The following BTN3A2 variants were observed in gnomAD, a reference collection of about 807,000 sequenced individuals.
BTN3A2 encodes the protein butyrophilin subfamily 3 member A2, also known as butyrophilin protein.
Under a neutral mutation model 37.6 loss-of-function variants are expected in BTN3A2, and 25 were observed. The ratio of observed to expected loss-of-function variants is 0.66; its 90% CI spans 0.48 to 0.93. The LOEUF (loss-of-function observed/expected upper bound fraction) is 0.93. BTN3A2 is among the 40% of genes least tolerant of loss of function. The probability of loss-of-function intolerance (pLI) is 0.00; values close to 1 mark genes in which losing one functional copy is unlikely to be tolerated. For missense variants in BTN3A2, 266 were observed against 410.9 expected (o/e 0.65, Z 3.05); for synonymous variants, 122 against 159.4 (o/e 0.77, Z 1.77).
Position 26,377,537 on chromosome 6 carries a change from T to TGATACGGCGA in BTN3A2, c.*1775_*1776insGATACGGCGA. Reference sequence around the variant, plus strand: ...GCTTTGGTGGGTGTCACTCCTTTAATCCTCACAACACCCTGTCAGGTAGTC... The same window carrying TGATACGGCGA: ...GCTTTGGTGGGTGTCACTCCTTTAATGATACGGCGACCTCACAACACCCTGTCAGGTAGTC... On this transcript the variant is annotated 3_prime_UTR_variant, in exon 11 of 11. Transcript: ENST00000377708. 1.4e-5 allele frequency: 4 copies of TGATACGGCGA among 282,560 alleles called. No individual in the cohort carries two copies. The highest frequency in any genetic ancestry group is 8.9e-5 in the East Asian group (1 of 11,278). 17.5% of individuals were successfully genotyped at this position (282,560 alleles called of 1,614,324 possible). A position where few individuals can be genotyped will look rare whatever the true frequency, so the allele number is the denominator to read the frequency against.
In BTN3A2 at chr6:26,377,073, A is replaced by C; in HGVS notation, c.*1311A>C. ...ATTCAGAATTTTGACCTTGGAGCCC[A>C]CTGCCCTGACCGTTTGCCCAATACC... On this transcript the variant is annotated 3_prime_UTR_variant, in exon 11 of 11. Transcript: ENST00000377708. 1 of 1,368,114 alleles carries C rather than the reference A, an allele frequency of 7.3e-7. No individual in the cohort carries two copies. The highest frequency in any genetic ancestry group is 1.2e-5 in the South Asian group (1 of 85,524). 84.7% of individuals were successfully genotyped at this position (1,368,114 alleles called of 1,614,324 possible).
chr6:26,374,523 A>G, intron 9 of BTN3A2, 150 bp downstream of exon 9: 1 of 934,442 alleles, frequency 1.1e-6, no homozygotes, highest in Non-Finnish European at 1.7e-6. Flanking sequence ...GCCTCTGAGA[A>G]ACTCCTGATC....
In BTN3A2 at chr6:26,375,013, G is replaced by A. The variant is rs566107034; in HGVS notation, c.*34+215G>A. On this transcript the variant is annotated intron_variant, in intron 10 of 10. Coordinates refer to ENST00000377708, the MANE Select transcript of BTN3A2 (RefSeq NM_007047.5). Reference sequence around the variant, plus strand: ...GAGGATGGAAATGCCAAGGAGAGGAGGTGATGCCTGCCCAAAGAACTTTGT... The same window carrying A: ...GAGGATGGAAATGCCAAGGAGAGGAAGTGATGCCTGCCCAAAGAACTTTGT... The A allele has an allele frequency of 2.5e-5, 11 of 447,012 alleles. No individual in the cohort carries two copies. In the South Asian group the frequency reaches 5.8e-4, roughly 24 times the overall value. 27.7% of individuals were successfully genotyped at this position (447,012 alleles called of 1,614,324 possible).
rs1053164831 is a variant in BTN3A2 at position 26,377,377 on chromosome 6, A to G, written c.*1615A>G. 3 of 546,382 alleles carry G rather than the reference A, an allele frequency of 5.5e-6. No homozygotes were observed. The highest frequency in any genetic ancestry group is 3.8e-5 in the African/African-American group (2 of 52,590). 33.8% of individuals were successfully genotyped at this position (546,382 alleles called of 1,614,324 possible). A position where few individuals can be genotyped will look rare whatever the true frequency, so the allele number is the denominator to read the frequency against. On this transcript the variant is annotated 3_prime_UTR_variant, in exon 11 of 11. Coordinates refer to ENST00000377708, the MANE Select transcript of BTN3A2 (RefSeq NM_007047.5). ...CCACCTTATTGGCCCCTTTATACAG[A>G]TAAGGAAACTGGGGTGTAGAAAAGT...
At chr6:26,375,039 C>T (rs974865789) in intron 10 of BTN3A2, 2 of 404,384 alleles carry the variant, frequency 4.9e-6, no homozygotes, top group Non-Finnish European at 8.7e-6. Context: ...AGAACTTTGT[C>T]CTTCCCAGGC....
chr6:26,376,566 T>C lies in BTN3A2; in HGVS notation c.*804T>C. The C allele has an allele frequency of 7.2e-7, 1 of 1,391,704 alleles. No homozygotes were observed. Among genetic ancestry groups the C allele is most frequent in the South Asian group, 1.4e-5 (1 of 73,932 alleles). 86.2% of individuals were successfully genotyped at this position (1,391,704 alleles called of 1,614,324 possible). A position where few individuals can be genotyped will look rare whatever the true frequency, so the allele number is the denominator to read the frequency against. On this transcript the variant is annotated 3_prime_UTR_variant, in exon 11 of 11. Coordinates refer to ENST00000377708, the MANE Select transcript of BTN3A2 (RefSeq NM_007047.5). The stretch of plus-strand genomic sequence containing the variant: ...ACCCCATGGACACCTCCTCAAACTC[T>C]CTGCAGCAGATGTAATTCTGTATCC...
chr6:26,373,138 TGCCCCAGCCTGAA>T (rs927848957), intron 6 of BTN3A2, 41 bp downstream of exon 6: 3 of 1,609,382 alleles, frequency 1.9e-6, no homozygotes, highest in Non-Finnish European at 2.5e-6. Flanking sequence ...TTGGCTTGCA[TGCCCCAGCCTGAA>T]AACCTCACCT....
chr6:26,374,235 A>T, intron 8 of BTN3A2, 92 bp from the exon 9 acceptor site: 5 of 496,390 alleles, frequency 1.0e-5, no homozygotes, highest in Non-Finnish European at 1.0e-5. Flanking sequence ...AAAAAAAAAA[A>T]AAAAAGACTA....
chr6:26,373,193 A>C, intron 6 of BTN3A2, 83 bp from the exon 7 acceptor site: 1 of 1,592,994 alleles, frequency 6.3e-7, no homozygotes, highest in Non-Finnish European at 8.5e-7. Flanking sequence ...CATCATGTTT[A>C]AGGTTTATTT....
At chr6:26,375,514 G>C in intron 10 of BTN3A2, 1 of 850,708 alleles carries the variant, frequency 1.2e-6, no homozygotes, top group Non-Finnish European at 1.9e-6. Context: ...TCTTCTATCA[G>C]GGCCTCCCAT....
Position 26,368,000 on chromosome 6 carries a change from A to C in BTN3A2, c.-56A>C. On this transcript the variant is annotated 5_prime_UTR_variant, in exon 2 of 11. Coordinates refer to ENST00000377708, the MANE Select transcript of BTN3A2 (RefSeq NM_007047.5). ...ATATTATTTTTACAGATGGTTTTCC[A>C]TACTGGAACCCAAAGGTAAAGACAC... 1 of 1,410,864 alleles carries C rather than the reference A, an allele frequency of 7.1e-7. No individual in the cohort carries two copies. Among genetic ancestry groups the C allele is most frequent in the African/African-American group, 1.4e-5 (1 of 69,054 alleles). 87.4% of individuals were successfully genotyped at this position (1,410,864 alleles called of 1,614,324 possible).
chr6:26,371,459 C>T (rs762696730), intron 5 of BTN3A2, among the ~76,000 whole-genome samples: 3 of 152,176 alleles, frequency 2.0e-5, no homozygotes, highest in Non-Finnish European at 4.4e-5. Context: ...ACATGATTCT[C>T]ATAGGAATGT....
chr6:26,376,815 G>T lies in BTN3A2; in HGVS notation c.*1053G>T. 1 of 1,613,942 alleles carries T rather than the reference G, an allele frequency of 6.2e-7. No homozygotes were observed. On this transcript the variant is annotated 3_prime_UTR_variant, in exon 11 of 11. Transcript: ENST00000377708. The stretch of plus-strand genomic sequence containing the variant: ...TAGTAAGAACGTGGAGAGGAAAAAA[G>T]TTTGGGTCAAAATGACACCGGAGAA...
chr6:26,370,610 A>G lies in BTN3A2; in HGVS notation c.715+7A>G. 1 of 1,613,820 alleles carries G rather than the reference A, an allele frequency of 6.2e-7. No homozygotes were observed. Among genetic ancestry groups the G allele is most frequent in the Non-Finnish European group, 8.5e-7 (1 of 1,179,744 alleles). On this transcript the variant is annotated splice_region_variant and intron_variant, in intron 5 of 10. Coordinates refer to ENST00000377708, the MANE Select transcript of BTN3A2 (RefSeq NM_007047.5). The stretch of plus-strand genomic sequence containing the variant: ...GCCAGCATTTCCATCGCAGGTCAGT[A>G]CCTGCTTGGCCTCAGGTTTTCTGAG...
rs1183357981 is a variant in BTN3A2, at chr6:26,376,799, C to T, written c.*1037C>T. The stretch of plus-strand genomic sequence containing the variant: ...GGCATATTGGGGTATGTAGTAAGAA[C>T]GTGGAGAGGAAAAAAGTTTGGGTCA... On this transcript the variant is annotated 3_prime_UTR_variant, in exon 11 of 11. Coordinates refer to ENST00000377708, the MANE Select transcript of BTN3A2 (RefSeq NM_007047.5). 1.9e-6 allele frequency: 3 copies of T among 1,612,978 alleles called. No individual in the cohort carries two copies. Among genetic ancestry groups the T allele is most frequent in the East Asian group, 4.5e-5 (2 of 44,878 alleles).
At chr6:26,374,265 G>A in intron 8 of BTN3A2, 62 bp from the exon 9 acceptor site, 3 of 1,132,592 alleles carry the variant, frequency 2.6e-6, no homozygotes, top group East Asian at 2.7e-5. Context: ...AAAAAGAAGG[G>A]GAAGGGGCCA....
In BTN3A2 at chr6:26,372,171, C is replaced by T. The variant is rs111981006; in HGVS notation, c.716-726C>T. On this transcript the variant is annotated intron_variant, in intron 5 of 10. Coordinates refer to ENST00000377708, the MANE Select transcript of BTN3A2 (RefSeq NM_007047.5). ...ACAGAAAAAGCAAGATGCAGAGGGA[C>T]GTGTATAGAATGCTATTTTTAGTTT... Among the ~76,000 whole-genome samples, 81 of 152,144 alleles carry T rather than the reference C, an allele frequency of 5.3e-4. 2 individuals are homozygous for T. The highest frequency in any genetic ancestry group is 8.4e-4 in the Non-Finnish European group (57 of 68,008).
At position 26,370,470 on chromosome 6, in the gene BTN3A2, G is replaced by A; in HGVS notation, c.582G>A (p.Val194=). 3 of 1,614,216 alleles carry A rather than the reference G, an allele frequency of 1.9e-6. No homozygotes were observed. Among genetic ancestry groups the A allele is most frequent in the Non-Finnish European group, 2.5e-6 (3 of 1,180,038 alleles). ...GENIPAVEAP[V]VADGVGLYEV... is the part of the protein sequence containing the mutation. ...ACATCCCAGCTGTGGAAGCACCTGT[G>A]GTTGCAGATGGAGTGGGCCTATATG... Residue 194 remains valine, a synonymous_variant, in exon 5 of 11, where the codon GTG becomes GTA. Transcript: ENST00000377708.
chr6:26,365,400 A>G, intron 1 of BTN3A2, 48 bp downstream of exon 1: 1 of 1,533,376 alleles, frequency 6.5e-7, no homozygotes, highest in Non-Finnish European at 8.7e-7. Context: ...GCATGGGAGG[A>G]GCGGGGCTGA....
Sources: gnomAD v4.1 joint callset for allele counts (sites outside exome capture counted in the v4.1 genomes callset) on GRCh38, gnomAD v4.1.1 for gene constraint, MANE v1.5 for transcripts, NCBI Gene and HGNC (gene_info 2026-07-23, HGNC 2026-07-21) for gene names.